FSTL4: variants seen among roughly 807,000 people sequenced by gnomAD.
FSTL4 encodes the protein follistatin like 4.
Under a neutral mutation model 78.2 loss-of-function variants are expected in FSTL4, and 28 were observed. The observed-to-expected ratio is 0.36, with a 90% CI of 0.27 to 0.49. The LOEUF (loss-of-function observed/expected upper bound fraction) is 0.49. Among genes scored for constraint, FSTL4 ranks in the 20% least tolerant of loss-of-function variants. FSTL4 has a pLI of 0.98. For synonymous variants in FSTL4, 422 were observed against 440.5 expected, an observed-to-expected ratio of 0.96 and a Z score of 0.53; for missense variants, 922 against 1,084.9, an observed-to-expected ratio of 0.85 and a Z score of 2.11.
chr5:133,349,197 G>A (rs1028560609), intron 4 of FSTL4, among the ~76,000 whole-genome samples: 2 of 152,190 alleles, frequency 1.3e-5, no homozygotes, highest in Non-Finnish European at 2.9e-5. Flanking sequence ...CAAACCCAGA[G>A]ATGAGCAGTG....
intron 3 of FSTL4, among the ~76,000 whole-genome samples, chr5:133,454,771 C>G (rs1203397079): frequency 6.6e-6 from 1 of 152,202 alleles, no homozygotes; most frequent in East Asian, 1.9e-4. Context: ...CAGTCACCCT[C>G]TGGGGCTTGA....
chr5:133,719,619 G>A, the FSTL4 span, among the ~76,000 whole-genome samples: 2 of 145,302 alleles, frequency 1.4e-5, no homozygotes, highest in Non-Finnish European at 3.0e-5. Context: ...GCTGCGGTGA[G>A]CCAAGATCAC....
intron 3 of FSTL4, among the ~76,000 whole-genome samples, chr5:133,404,789 C>T (rs778214094): frequency 6.6e-6 from 1 of 152,206 alleles, no homozygotes; most frequent in Non-Finnish European, 1.5e-5. Context: ...TCTACATCCA[C>T]ATGGAGCAGG....
chr5:133,767,366 AG>A, the FSTL4 span, among the ~76,000 whole-genome samples: 1 of 152,194 alleles, frequency 6.6e-6, no homozygotes, highest in Non-Finnish European at 1.5e-5. Flanking sequence ...CCTCAGGCAC[AG>A]GGATGCAGAT....
chr5:133,704,812 C>G, the FSTL4 span, among the ~76,000 whole-genome samples: 1 of 152,104 alleles, frequency 6.6e-6, no homozygotes, highest in African/African-American at 2.4e-5. Flanking sequence ...TATTTTCAGG[C>G]ATGGTGTCAG....
intron 4 of FSTL4, among the ~76,000 whole-genome samples, chr5:133,367,703 C>T (rs1009524206): frequency 2.0e-5 from 3 of 152,182 alleles, no homozygotes; most frequent in African/African-American, 7.2e-5. Context: ...AAGCGGGTTT[C>T]CCTGCTACTG....
chr5:133,480,517 A>AT (rs1758005503), intron 3 of FSTL4, among the ~76,000 whole-genome samples: 1 of 152,104 alleles, frequency 6.6e-6, no homozygotes, highest in South Asian at 2.1e-4. Flanking sequence ...CTAAGGGGAC[A>AT]TTCTCTGATT....
chr5:133,691,927 A>G, the FSTL4 span, among the ~76,000 whole-genome samples: 17 of 152,216 alleles, frequency 1.1e-4, no homozygotes. Flanking sequence ...ACCATGTGCA[A>G]CCTATTATAT....
At chr5:133,347,261 C>T (rs529924355) in intron 4 of FSTL4, among the ~76,000 whole-genome samples, 12 of 152,290 alleles carry the variant, frequency 7.9e-5, no homozygotes, top group East Asian at 7.7e-4. Flanking sequence ...CTCCCTCTGT[C>T]GGGAGGTGTG....
the FSTL4 span, among the ~76,000 whole-genome samples, chr5:133,687,095 C>T: frequency 1.9e-4 from 29 of 152,192 alleles, no homozygotes; most frequent in East Asian, 2.3e-3. Flanking sequence ...CACAGTGGGA[C>T]GAGCCTGTGG....
At chr5:133,808,583 A>C in the FSTL4 span, among the ~76,000 whole-genome samples, 1 of 152,180 alleles carries the variant, frequency 6.6e-6, no homozygotes, top group African/African-American at 2.4e-5. Flanking sequence ...TAAAATCAAA[A>C]AATTAAAGAG....
At chr5:133,274,735 C>T (rs1752841765) in intron 6 of FSTL4, among the ~76,000 whole-genome samples, 2 of 152,182 alleles carry the variant, frequency 1.3e-5, no homozygotes, top group Non-Finnish European at 2.9e-5. Flanking sequence ...AATACAATTA[C>T]ACACATGAGG....
At chr5:133,348,574 T>A (rs1433615269) in intron 4 of FSTL4, among the ~76,000 whole-genome samples, 2 of 152,172 alleles carry the variant, frequency 1.3e-5, no homozygotes, top group East Asian at 3.9e-4. Context: ...TCTGGCCAGG[T>A]GCAGGAGCTG....
chr5:133,283,412 A>G (rs2126861198), intron 6 of FSTL4, among the ~76,000 whole-genome samples: 1 of 152,340 alleles, frequency 6.6e-6, no homozygotes, highest in South Asian at 2.1e-4. Context: ...GGCAAGTGAC[A>G]AAGAAAGCAA....
chr5:133,424,380 G>GTTTAC (rs1260145187), intron 3 of FSTL4, among the ~76,000 whole-genome samples: 1 of 152,210 alleles, frequency 6.6e-6, no homozygotes, highest in Non-Finnish European at 1.5e-5. Context: ...GCACTTGAGA[G>GTTTAC]AGACACAACC....
chr5:133,681,797 G>T, the FSTL4 span, among the ~76,000 whole-genome samples: 1 of 152,152 alleles, frequency 6.6e-6, no homozygotes, highest in African/African-American at 2.4e-5. Context: ...GTCTCTGAAG[G>T]ACCCAGCATT....
At chr5:133,312,889 A>T in intron 5 of FSTL4, 112 bp from the exon 6 acceptor site, 1 of 911,700 alleles carries the variant, frequency 1.1e-6, no homozygotes, top group South Asian at 1.7e-5. Flanking sequence ...GTGGGCCTTG[A>T]GGGGTACCTG....
intron 4 of FSTL4, chr5:133,387,683 T>A (rs1200085403): frequency 6.6e-6 from 1 of 152,188 alleles, no homozygotes; most frequent in Non-Finnish European, 1.5e-5. Context: ...GTCCTGACCA[T>A]GTCACTGGCA....
intron 3 of FSTL4, among the ~76,000 whole-genome samples, chr5:133,499,369 TACAC>T (rs57363602): frequency 0.027 from 3,451 of 126,714 alleles, 105 homozygotes; most frequent in African/African-American, 0.077. Context: ...ACAAGGGGAA[TACAC>T]ACACACACAC....
Sources: gnomAD v4.1 joint callset for allele counts (sites outside exome capture counted in the v4.1 genomes callset) on GRCh38, gnomAD v4.1.1 for gene constraint, MANE v1.5 for transcripts, NCBI Gene and HGNC (gene_info 2026-07-23, HGNC 2026-07-21) for gene names.